ARHGAP39: variants seen among roughly 807,000 people sequenced by gnomAD.
ARHGAP39 encodes rho GTPase-activating protein 39.
Under a neutral mutation model 106.9 loss-of-function variants are expected in ARHGAP39, and 44 were observed. The ratio of observed to expected loss-of-function variants is 0.41; its 90% CI spans 0.32 to 0.53. The LOEUF (loss-of-function observed/expected upper bound fraction) is 0.53, where lower values mean the gene tolerates loss of function less well. Among genes scored for constraint, ARHGAP39 ranks in the 20% least tolerant of loss-of-function variants. The pLI, the probability that ARHGAP39 is intolerant of heterozygous loss-of-function variation, is 0.21. For missense variants in ARHGAP39, 1,496 were observed against 1,577.3 expected, an observed-to-expected ratio of 0.95 and a Z score of 0.87; for synonymous variants, 768 against 693.2, an observed-to-expected ratio of 1.11 and a Z score of -1.69.
chr8:144,555,075 G>A (rs557071148), intron 4 of ARHGAP39, among the ~76,000 whole-genome samples: 5 of 152,336 alleles, frequency 3.3e-5, no homozygotes, highest in Middle Eastern at 3.4e-3. Context: ...TGGAGGGAGC[G>A]TCCTGCCCGC....
chr8:144,597,730 A>C (rs1221826197), intron 2 of ARHGAP39, among the ~76,000 whole-genome samples: 1 of 152,200 alleles, frequency 6.6e-6, no homozygotes, highest in Non-Finnish European at 1.5e-5. Flanking sequence ...TCAGGAGCTC[A>C]GTTAGGAAAG....
chr8:144,530,648 GCGGGGGCGGGGC>G, intron 11 of ARHGAP39, 32 bp from the exon 12 acceptor site: 2 of 1,532,642 alleles, frequency 1.3e-6, no homozygotes, highest in South Asian at 1.2e-5. Flanking sequence ...GCGCGGAGGG[GCGGGGGCGGGGC>G]GGGGAGGGGA....
intron 2 of ARHGAP39, among the ~76,000 whole-genome samples, chr8:144,601,116 CTG>C (rs1186129020): frequency 4.8e-4 from 48 of 99,620 alleles, no homozygotes; most frequent in Non-Finnish European, 6.5e-4. Flanking sequence ...CCTCATGTAC[CTG>C]TGTGTGCATG....
At chr8:144,667,730 G>A (rs1023400896) in intron 1 of ARHGAP39, among the ~76,000 whole-genome samples, 1 of 152,110 alleles carries the variant, frequency 6.6e-6, no homozygotes, top group African/African-American at 2.4e-5. Context: ...GACCCTGGTG[G>A]GTCACAGCCC....
At chr8:144,618,696 G>T (rs913970225) in intron 1 of ARHGAP39, among the ~76,000 whole-genome samples, 3 of 152,214 alleles carry the variant, frequency 2.0e-5, no homozygotes, top group Non-Finnish European at 4.4e-5. Context: ...TCCCTGAAGA[G>T]GCCGGGCGCA....
intron 3 of ARHGAP39, among the ~76,000 whole-genome samples, chr8:144,574,285 A>G (rs917151600): frequency 2.0e-5 from 3 of 152,206 alleles, no homozygotes; most frequent in Non-Finnish European, 1.5e-5. Context: ...GTATAATCCC[A>G]GCATTTTAGG....
Position 144,538,162 on chromosome 8 carries a change from C to G in ARHGAP39, c.2522-349G>C, listed in dbSNP as rs1586877786. Among the ~76,000 whole-genome samples, 3 of 152,352 alleles carry G rather than the reference C, an allele frequency of 2.0e-5. No individual in the cohort carries two copies. In the East Asian group the frequency reaches 5.8e-4, roughly 29 times the overall value. On this transcript the variant is annotated intron_variant, in intron 6 of 11. Transcript: ENST00000377307. ...CTGGCTGGCAGCAAGGCTGGGGCAGCCATGGCCTGGGCCCCCTGCCTGCCG... is the reference window on the plus strand; with the variant it reads ...CTGGCTGGCAGCAAGGCTGGGGCAGGCATGGCCTGGGCCCCCTGCCTGCCG...
intron 9 of ARHGAP39, 47 bp from the exon 10 acceptor site, chr8:144,532,443 G>T: frequency 6.5e-7 from 1 of 1,544,856 alleles, no homozygotes. Flanking sequence ...CTGTGCTGCG[G>T]CTTCATGATT....
intron 2 of ARHGAP39, among the ~76,000 whole-genome samples, chr8:144,589,126 G>A (rs978308257): frequency 1.3e-5 from 2 of 152,188 alleles, no homozygotes; most frequent in South Asian, 2.1e-4. Context: ...GCATGACGGC[G>A]AGGGTATCGG....
intron 3 of ARHGAP39, among the ~76,000 whole-genome samples, chr8:144,561,137 C>T (rs147486402): frequency 1.4e-4 from 21 of 152,286 alleles, no homozygotes; most frequent in Admixed American, 3.9e-4. Flanking sequence ...GTTTCCATTG[C>T]ACCCCAGCGG....
At chr8:144,638,120 A>T (rs115109947) in intron 1 of ARHGAP39, among the ~76,000 whole-genome samples, 1,538 of 152,266 alleles carry the variant, frequency 0.01, 23 homozygotes, top group African/African-American at 0.035. Flanking sequence ...TTGATGTTAA[A>T]AGATAATTTT....
At chr8:144,667,811 T>C (rs1822002297) in intron 1 of ARHGAP39, among the ~76,000 whole-genome samples, 1 of 152,196 alleles carries the variant, frequency 6.6e-6, no homozygotes, top group Admixed American at 6.5e-5. Flanking sequence ...TTCTGAGGTA[T>C]AAATTATATA....
Position 144,685,708 on chromosome 8 carries a change from G to A in ARHGAP39, c.-104C>T, listed in dbSNP as rs1470424716. On this transcript the variant is annotated 5_prime_UTR_variant, in exon 1 of 12. Coordinates refer to ENST00000377307, the MANE Select transcript of ARHGAP39 (RefSeq NM_025251.3). ...CACCGGCCGGCTGCGCGCGGGCCGCGCCGCCACAGTCCCTCATCCCGGCCC... is the reference window on the plus strand; with the variant it reads ...CACCGGCCGGCTGCGCGCGGGCCGCACCGCCACAGTCCCTCATCCCGGCCC... Among the ~76,000 whole-genome samples the A allele has an allele frequency of 1.4e-5, 2 of 147,646 alleles. No homozygotes were observed. Among genetic ancestry groups the A allele is most frequent in the African/African-American group, 4.9e-5 (2 of 40,908 alleles).
Position 144,534,026 on chromosome 8 carries a change from C to T in ARHGAP39, c.2688+103G>A, listed in dbSNP as rs986140517. On this transcript the variant is annotated intron_variant, in intron 8 of 11. Transcript: ENST00000377307. ...GGCGGGCTCCATGTGGCACCCTCTG[C>T]GCTGCTGCCCCATACCAAACTGCAG... 78 of 1,328,386 alleles carry T rather than the reference C, an allele frequency of 5.9e-5. 3 individuals are homozygous for T. The Admixed American group carries it at 1.1e-3, about 18-fold the overall frequency. 82.3% of individuals were successfully genotyped at this position (1,328,386 alleles called of 1,614,324 possible).
chr8:144,638,169 A>G (rs1821222983), intron 1 of ARHGAP39, among the ~76,000 whole-genome samples: 1 of 152,206 alleles, frequency 6.6e-6, no homozygotes, highest in Admixed American at 6.5e-5. Flanking sequence ...AATATTGAAG[A>G]TGAACACCAC....
At chr8:144,683,776 C>T (rs1020080408) in intron 1 of ARHGAP39, among the ~76,000 whole-genome samples, 2 of 151,768 alleles carry the variant, frequency 1.3e-5, no homozygotes, top group African/African-American at 2.4e-5. Flanking sequence ...GTGTGAGAAA[C>T]CAGCGCCACA....
intron 3 of ARHGAP39, among the ~76,000 whole-genome samples, chr8:144,578,829 G>A (rs1453278729): frequency 1.3e-5 from 2 of 152,018 alleles, no homozygotes; most frequent in Non-Finnish European, 2.9e-5. Flanking sequence ...CAGAGACAAA[G>A]AGAGACCCTG....
chr8:144,567,654 T>C (rs748259478), intron 3 of ARHGAP39, among the ~76,000 whole-genome samples: 1 of 152,270 alleles, frequency 6.6e-6, no homozygotes, highest in Non-Finnish European at 1.5e-5. Flanking sequence ...TGTTCCATCC[T>C]GTACACCTGG....
chr8:144,669,311 T>C, intron 1 of ARHGAP39, among the ~76,000 whole-genome samples: 1 of 386 alleles, frequency 2.6e-3, no homozygotes, highest in Non-Finnish European at 5.8e-3. Flanking sequence ...TTTTAGACCA[T>C]CCTGGCTAAC....
Sources: allele counts gnomAD v4.1 joint callset (sites outside exome capture counted in the v4.1 genomes callset), GRCh38; gene constraint gnomAD v4.1.1; transcripts MANE v1.5; gene names NCBI Gene and HGNC (gene_info 2026-07-23, HGNC 2026-07-21).